The following AFF2 variants were observed in gnomAD, a reference collection of about 807,000 sequenced individuals.
The protein encoded by AFF2 is ALF transcription elongation factor 2, also known as AF4/FMR2 family member 2.
A neutral mutation model predicts 76.9 loss-of-function variants in AFF2; 14 were observed. The ratio of observed to expected loss-of-function variants is 0.18; its 90% CI spans 0.12 to 0.28. The LOEUF is 0.28. Ranked by LOEUF, AFF2 falls within the 10% of genes least tolerant of loss-of-function variation. AFF2 has a pLI of 1.00. For synonymous variants in AFF2, 398 were observed against 366.7 expected (o/e 1.09, Z -0.98); for missense variants, 868 against 1,001.1 (o/e 0.87, Z 1.79).
rs188763159 is a variant in AFF2, at chrX:148,796,800, A to G, written c.1042-13076A>G. Among the ~76,000 whole-genome samples, 60 of 112,452 alleles carry G rather than the reference A, an allele frequency of 5.3e-4. 1 individual carries two copies. In the East Asian group the frequency reaches 0.016, roughly 31 times the overall value. On this transcript the variant is annotated intron_variant, in intron 3 of 20. Transcript: ENST00000370460. ...CAAAATAATCTTTTCAAACAGAGCC[A>G]TTTCTACATGTTTTGGCTTGAAATT...
chrX:148,595,234 C>T (rs2053561538), intron 1 of AFF2, among the ~76,000 whole-genome samples: 1 of 112,192 alleles, frequency 8.9e-6, no homozygotes, highest in Non-Finnish European at 1.9e-5. Flanking sequence ...AGGATAAAGA[C>T]ATTTTCAGAC....
intron 3 of AFF2, among the ~76,000 whole-genome samples, chrX:148,743,063 G>A (rs2055378617): frequency 8.9e-6 from 1 of 111,923 alleles, no homozygotes; most frequent in Admixed American, 9.5e-5. Flanking sequence ...AGCTCCTTCT[G>A]TCTAAACGTT....
intron 1 of AFF2, among the ~76,000 whole-genome samples, chrX:148,634,022 A>T (rs1569552398): frequency 8.9e-6 from 1 of 111,738 alleles, no homozygotes; most frequent in Non-Finnish European, 1.9e-5. Flanking sequence ...GACCGGGTGG[A>T]TGACATTGGA....
intron 3 of AFF2, among the ~76,000 whole-genome samples, chrX:148,707,739 C>G (rs905003191): frequency 1.8e-5 from 2 of 111,344 alleles, no homozygotes; most frequent in African/African-American, 6.5e-5. Flanking sequence ...TGTCCAGTTT[C>G]CAAACCAATG....
chrX:148,965,759 C>T (rs2072164524), intron 13 of AFF2, among the ~76,000 whole-genome samples: 1 of 112,052 alleles, frequency 8.9e-6, no homozygotes, highest in Admixed American at 9.5e-5. Context: ...TGGGTGTTAC[C>T]TACCTACTGT....
At chrX:148,584,739 T>C (rs993260073) in intron 1 of AFF2, among the ~76,000 whole-genome samples, 2 of 109,724 alleles carry the variant, frequency 1.8e-5, no homozygotes, top group South Asian at 4.0e-4. Context: ...AATTTCACCA[T>C]GTTAGACAGG....
At position 148,662,338 on chromosome X, in the gene AFF2, C is replaced by G; in HGVS notation, c.611C>G (p.Pro204Arg). The change falls in exon 3 of 21, where the codon CCC (proline) becomes CGC (arginine). Residue 204 changes from proline to arginine, a missense_variant. This residue lies in a region of AFF2 where 196 missense variants were observed against 194.8 expected (regional missense o/e 1.01). Coordinates refer to ENST00000370460, the MANE Select transcript of AFF2 (RefSeq NM_002025.4). Reference protein sequence around the residue: ...EDFFVYPAEQPQIGEVEESNP... With the variant: ...EDFFVYPAEQRQIGEVEESNP... ...TTCTTTGTCTACCCAGCTGAACAGC[C>G]CCAGATTGGAGAAGTTGAAGAGTCA... The G allele has an allele frequency of 3.3e-6, 4 of 1,211,542 alleles. No homozygotes were observed. The South Asian group carries it at 7.0e-5, about 21-fold the overall frequency.
At chrX:148,984,438 G>A (rs782224853) in intron 19 of AFF2, among the ~76,000 whole-genome samples, 11 of 111,989 alleles carry the variant, frequency 9.8e-5, no homozygotes, top group East Asian at 8.5e-4. Flanking sequence ...GAAACCCCAC[G>A]CAGTGATGAG....
chrX:148,894,943 A>T (rs1350410082), intron 8 of AFF2, among the ~76,000 whole-genome samples: 1 of 111,299 alleles, frequency 9.0e-6, no homozygotes, highest in Non-Finnish European at 1.9e-5. Context: ...GCCATAAAAG[A>T]GTATAAAATC....
intron 7 of AFF2, among the ~76,000 whole-genome samples, chrX:148,856,364 G>A (rs1217708798): frequency 1.8e-5 from 2 of 112,039 alleles, no homozygotes; most frequent in East Asian, 2.8e-4. Flanking sequence ...AGGCACTACC[G>A]TTACCCACAT....
chrX:148,618,403 A>C (rs923750207), intron 1 of AFF2, among the ~76,000 whole-genome samples: 1 of 111,177 alleles, frequency 9.0e-6, no homozygotes, highest in Admixed American at 9.5e-5. Context: ...AGTGCCGACC[A>C]AAGGGGGAAA....
chrX:148,795,693 C>T (rs1167306322), intron 3 of AFF2, among the ~76,000 whole-genome samples: 4 of 94,457 alleles, frequency 4.2e-5, no homozygotes, highest in Admixed American at 2.5e-4. Context: ...GTCCCAGCTA[C>T]TCGGGAGGTT....
intron 9 of AFF2, among the ~76,000 whole-genome samples, chrX:148,929,839 G>T (rs1557284189): frequency 8.9e-6 from 1 of 111,985 alleles, no homozygotes; most frequent in African/African-American, 3.2e-5. Flanking sequence ...CCTACAAAAT[G>T]AGTCACACTC....
At chrX:148,511,531 A>G (rs1314384946) in intron 1 of AFF2, among the ~76,000 whole-genome samples, 3 of 112,670 alleles carry the variant, frequency 2.7e-5, no homozygotes, top group Non-Finnish European at 5.6e-5. Context: ...TGTGCAGAAA[A>G]GTTTCCACAC....
intron 1 of AFF2, among the ~76,000 whole-genome samples, chrX:148,604,193 A>G (rs1217141818): frequency 8.9e-6 from 1 of 112,065 alleles, no homozygotes; most frequent in African/African-American, 3.2e-5. Flanking sequence ...ACTGAAATGT[A>G]TAAAATTTCA....
intron 8 of AFF2, among the ~76,000 whole-genome samples, chrX:148,902,935 T>C (rs1216169812): frequency 3.6e-5 from 4 of 111,191 alleles, no homozygotes; most frequent in Non-Finnish European, 5.7e-5. Flanking sequence ...CATCTAAAAT[T>C]TGGAAGTGTT....
chrX:148,531,920 A>C (rs782580962), intron 1 of AFF2, among the ~76,000 whole-genome samples: 1 of 111,128 alleles, frequency 9.0e-6, no homozygotes, highest in East Asian at 2.8e-4. Flanking sequence ...AAAAAAAAGC[A>C]AAATATTGAA....
chrX:148,845,713 G>T (rs1275083417), intron 7 of AFF2, among the ~76,000 whole-genome samples: 1 of 111,725 alleles, frequency 9.0e-6, no homozygotes, highest in Non-Finnish European at 1.9e-5. Context: ...TTTCCATTTG[G>T]CAGGGTAATC....
intron 9 of AFF2, among the ~76,000 whole-genome samples, chrX:148,915,300 T>G (rs782522096): frequency 8.9e-6 from 1 of 112,736 alleles, no homozygotes; most frequent in East Asian, 2.8e-4. Context: ...ATACTCTATA[T>G]CAGCATACCC....
Sources: allele counts gnomAD v4.1 joint callset (sites outside exome capture counted in the v4.1 genomes callset), GRCh38; gene constraint gnomAD v4.1.1; regional missense constraint gnomAD v4.1.1; transcripts MANE v1.5; gene names NCBI Gene and HGNC (gene_info 2026-07-23, HGNC 2026-07-21).